NRG3: variants seen among roughly 807,000 people sequenced by gnomAD.
The protein encoded by NRG3 is neuregulin 3.
A neutral mutation model predicts 66.9 loss-of-function variants in NRG3; 31 were observed. The ratio of observed to expected loss-of-function variants is 0.46; its 90% CI spans 0.35 to 0.63. The LOEUF is 0.63. Among genes scored for constraint, NRG3 ranks in the 20% least tolerant of loss-of-function variants. NRG3 has a pLI of 0.00. For missense variants in NRG3, 910 were observed against 878.9 expected (o/e 1.04, Z -0.45); for synonymous variants, 393 against 359.4 (o/e 1.09, Z -1.06).
intron 5 of NRG3, among the ~76,000 whole-genome samples, chr10:82,957,878 C>T (rs921128655): frequency 1.4e-5 from 2 of 143,010 alleles, no homozygotes; most frequent in African/African-American, 5.2e-5. Flanking sequence ...TAGGTCAACA[C>T]TGCAAAGAGG....
At chr10:82,599,104 G>C (rs1370515482) in intron 2 of NRG3, among the ~76,000 whole-genome samples, 3 of 152,054 alleles carry the variant, frequency 2.0e-5, no homozygotes, top group Non-Finnish European at 4.4e-5. Flanking sequence ...CTGAAGGTCA[G>C]TAGGTATGGC....
intron 2 of NRG3, among the ~76,000 whole-genome samples, chr10:82,734,867 A>G (rs1034277956): frequency 3.3e-5 from 5 of 152,062 alleles, no homozygotes; most frequent in African/African-American, 1.2e-4. Flanking sequence ...AAATTAAAAA[A>G]AATAACTGAG....
At chr10:82,425,139 C>G (rs2089339335) in intron 2 of NRG3, among the ~76,000 whole-genome samples, 1 of 152,056 alleles carries the variant, frequency 6.6e-6, no homozygotes, top group Admixed American at 6.6e-5. Flanking sequence ...TCTTGAAATT[C>G]TCTACGAACT....
intron 1 of NRG3, among the ~76,000 whole-genome samples, chr10:82,137,309 C>T (rs974905587): frequency 8.5e-5 from 13 of 152,078 alleles, no homozygotes; most frequent in African/African-American, 2.7e-4. Context: ...TGTTGTGAGA[C>T]GATAAAAATG....
chr10:82,179,963 T>C (rs1187376556), intron 1 of NRG3, among the ~76,000 whole-genome samples: 1 of 151,950 alleles, frequency 6.6e-6, no homozygotes, highest in African/African-American at 2.4e-5. Context: ...TCTCCTTGCT[T>C]AACTTTATTC....
chr10:82,475,059 G>A (rs914772202), intron 2 of NRG3, among the ~76,000 whole-genome samples: 3 of 151,080 alleles, frequency 2.0e-5, no homozygotes, highest in African/African-American at 7.3e-5. Context: ...TAAAAACCTC[G>A]AAAAACAGCA....
intron 2 of NRG3, among the ~76,000 whole-genome samples, chr10:82,425,741 T>G (rs1488020854): frequency 2.6e-5 from 4 of 152,150 alleles, no homozygotes; most frequent in Non-Finnish European, 4.4e-5. Context: ...GTGTTTACTG[T>G]TTGTTGTAGT....
chr10:82,923,842 G>C (rs1274322989), intron 4 of NRG3, among the ~76,000 whole-genome samples: 2 of 151,926 alleles, frequency 1.3e-5, no homozygotes, highest in Non-Finnish European at 2.9e-5. Context: ...TAAAGGTAGA[G>C]AGAGGGCCGG....
chr10:82,830,578 A>G (rs1055639296), intron 3 of NRG3, among the ~76,000 whole-genome samples: 1 of 152,008 alleles, frequency 6.6e-6, no homozygotes, highest in African/African-American at 2.4e-5. Context: ...TAGTCTTTTT[A>G]TTTATTCAGT....
chr10:82,067,421 C>T (rs2064543770), intron 1 of NRG3, among the ~76,000 whole-genome samples: 1 of 152,146 alleles, frequency 6.6e-6, no homozygotes, highest in Non-Finnish European at 1.5e-5. Context: ...GCAATCTTGC[C>T]CACTGCAACC....
At chr10:82,737,647 C>G (rs1302755809) in intron 2 of NRG3, among the ~76,000 whole-genome samples, 6 of 152,116 alleles carry the variant, frequency 3.9e-5, no homozygotes, top group East Asian at 1.9e-4. Flanking sequence ...GATTAAGCTT[C>G]GAGCAGACCA....
intron 2 of NRG3, among the ~76,000 whole-genome samples, chr10:82,379,883 TAGGC>T (rs1180673602): frequency 3.2e-5 from 2 of 61,946 alleles, no homozygotes; most frequent in African/African-American, 1.6e-4. Context: ...TGAAGAAAGG[TAGGC>T]AGATTCAACA....
At position 81,903,989 on chromosome 10, in the gene NRG3, TATATA is replaced by T. The variant is rs1448093734; in HGVS notation, c.823+27827_823+27831del. ...TTCAGAGTGTGTATATATATATATATATATATATTTTTTTTTTTTGTTTGTTTGTT... is the reference window on the plus strand; with the variant it reads ...TTCAGAGTGTGTATATATATATATATTATTTTTTTTTTTTGTTTGTTTGTT... On this transcript the variant is annotated intron_variant, in intron 1 of 8. Transcript: ENST00000372141. 4.7e-3 allele frequency among the ~76,000 whole-genome samples: 592 copies of T among 126,660 alleles called. 2 individuals carry two copies. The highest frequency in any genetic ancestry group is 0.017 in the South Asian group (68 of 3,990). The allele number at this position is 126,660 out of a possible 152,430, so 83.1% of individuals were successfully genotyped here. A position where few individuals can be genotyped will look rare whatever the true frequency, so the allele number is the denominator to read the frequency against.
chr10:82,150,526 C>CAAAAAAAAAAAAAAAAAAAAAAAA (rs2070637635), intron 1 of NRG3, among the ~76,000 whole-genome samples: 5 of 17,152 alleles, frequency 2.9e-4, no homozygotes, highest in African/African-American at 5.9e-4. Context: ...AAAAAGAGCA[C>CAAAAAAAAAAAAAAAAAAAAAAAA]ACACAAAAAA....
chr10:82,512,018 A>G (rs1023712567), intron 2 of NRG3, among the ~76,000 whole-genome samples: 28 of 152,244 alleles, frequency 1.8e-4, no homozygotes, highest in African/African-American at 6.5e-4. Flanking sequence ...CACCTCTTAG[A>G]GAGTGTGCCT....
At chr10:82,864,175 G>T (rs1244719148) in intron 3 of NRG3, among the ~76,000 whole-genome samples, 9 of 151,996 alleles carry the variant, frequency 5.9e-5, no homozygotes, top group African/African-American at 2.2e-4. Flanking sequence ...AAAAGGGGTG[G>T]TGGTTGTACA....
At chr10:82,603,972 C>G (rs1172009348) in intron 2 of NRG3, among the ~76,000 whole-genome samples, 1 of 152,040 alleles carries the variant, frequency 6.6e-6, no homozygotes, top group Non-Finnish European at 1.5e-5. Flanking sequence ...CCTTAACTGC[C>G]TATCGGTTTT....
At chr10:82,280,327 AT>A (rs150048822) in intron 1 of NRG3, among the ~76,000 whole-genome samples, 6 of 150,292 alleles carry the variant, frequency 4.0e-5, no homozygotes, top group African/African-American at 7.3e-5. Flanking sequence ...TCAAGTGACA[AT>A]TTTTTTTTTG....
chr10:82,871,332 T>G (rs1406176286), intron 4 of NRG3, among the ~76,000 whole-genome samples: 1 of 152,046 alleles, frequency 6.6e-6, no homozygotes, highest in Non-Finnish European at 1.5e-5. Flanking sequence ...TATAGCTTTA[T>G]AATAAGTATT....
Sources: allele counts gnomAD v4.1 joint callset (sites outside exome capture counted in the v4.1 genomes callset), GRCh38; gene constraint gnomAD v4.1.1; transcripts MANE v1.5; gene names NCBI Gene and HGNC (gene_info 2026-07-23, HGNC 2026-07-21).